Variants in RCOR1 observed in about 807,000 individuals in gnomAD.
The protein encoded by RCOR1 is REST corepressor.
RCOR1 carries 12 observed loss-of-function variants against 64.0 expected under a neutral mutation model. The observed-to-expected ratio is 0.19, with a 90% confidence interval of 0.12 to 0.30. RCOR1 has a LOEUF of 0.30. Ranked by LOEUF, RCOR1 falls within the 10% of genes least tolerant of loss-of-function variation. RCOR1 has a pLI of 1.00. For synonymous variants in RCOR1, 279 were observed against 227.2 expected (o/e 1.23, Z -2.05); for missense variants, 502 against 621.2 (o/e 0.81, Z 2.04).
intron 2 of RCOR1, among the ~76,000 whole-genome samples, chr14:102,665,435 G>GT (rs1468102760): frequency 9.2e-5 from 14 of 151,644 alleles, no homozygotes; most frequent in Admixed American, 9.2e-4. Context: ...TAGGTTAGGT[G>GT]TATTAAGTGC....
intron 2 of RCOR1, among the ~76,000 whole-genome samples, chr14:102,625,570 A>G (rs1366939768): frequency 6.7e-6 from 1 of 148,300 alleles, no homozygotes; most frequent in Non-Finnish European, 1.5e-5. Flanking sequence ...GTGTCTCACT[A>G]TGTTGGCCAG....
At chr14:102,636,331 G>A (rs185154091) in intron 2 of RCOR1, among the ~76,000 whole-genome samples, 1 of 151,998 alleles carries the variant, frequency 6.6e-6, no homozygotes, top group East Asian at 2.0e-4. Flanking sequence ...AGGCTGGAGT[G>A]CAGTGGCGTG....
At chr14:102,627,720 G>A (rs1024911246) in intron 2 of RCOR1, among the ~76,000 whole-genome samples, 6 of 151,096 alleles carry the variant, frequency 4.0e-5, no homozygotes, top group African/African-American at 1.2e-4. Context: ...TTCTGATTCT[G>A]TATATTCTTT....
rs76157532 is a variant in RCOR1, at chr14:102,643,554, G to C, written c.362-38341G>C. On this transcript the variant is annotated intron_variant, in intron 2 of 11. Coordinates refer to ENST00000262241, the MANE Select transcript of RCOR1 (RefSeq NM_015156.4). The stretch of plus-strand genomic sequence containing the variant: ...AGAACTGCAGCAAGGCCTAGGAGGT[G>C]GAGGCACCAGGTATCTTCAGAGGCC... Among the ~76,000 whole-genome samples, 1,260 of 152,302 alleles carry C rather than the reference G, an allele frequency of 8.3e-3. 21 individuals are homozygous for C. Among genetic ancestry groups the C allele is most frequent in the African/African-American group, 0.029 (1,195 of 41,550 alleles).
At chr14:102,718,953 T>C (rs1896122296) in intron 8 of RCOR1, among the ~76,000 whole-genome samples, 1 of 152,122 alleles carries the variant, frequency 6.6e-6, no homozygotes, top group African/African-American at 2.4e-5. Context: ...CACACCTGGC[T>C]AATTTTAAAA....
chr14:102,594,081 C>T (rs79271450), intron 2 of RCOR1, among the ~76,000 whole-genome samples: 13,676 of 152,132 alleles, frequency 0.09, 670 homozygotes, highest in Middle Eastern at 0.17. Context: ...TCCCTGGCTG[C>T]TATTCTGTGT....
chr14:102,714,444 C>T lies in RCOR1; in HGVS notation c.880C>T (p.Pro294Ser). Residue 294 changes from proline (P) to serine (S), a missense_variant, in exon 8 of 12, where the codon CCT (proline) becomes TCT (serine). Transcript: ENST00000262241. ...KKEVPPTETV[P>S]QVKKEKHSTQ... Reference sequence around the variant, plus strand: ...GCAGGTTCCCCCTACTGAGACAGTTCCTCAGGTCAAAAAAGAAAAACATAG... The same window carrying T: ...GCAGGTTCCCCCTACTGAGACAGTTTCTCAGGTCAAAAAAGAAAAACATAG... The T allele has an allele frequency of 2.5e-6, 4 of 1,609,906 alleles. No individual in the cohort carries two copies. In the South Asian group the frequency reaches 3.3e-5, roughly 13 times the overall value.
chr14:102,602,881 C>G (rs1192738213), intron 2 of RCOR1, among the ~76,000 whole-genome samples: 1 of 151,820 alleles, frequency 6.6e-6, no homozygotes, highest in Non-Finnish European at 1.5e-5. Flanking sequence ...GATTTTTGAA[C>G]TTTTTGTAGA....
rs143255728 is a variant in RCOR1 at position 102,623,212 on chromosome 14, C to A, written c.361+29887C>A. On this transcript the variant is annotated intron_variant, in intron 2 of 11. Coordinates refer to ENST00000262241, the MANE Select transcript of RCOR1 (RefSeq NM_015156.4). ...TCTAACTCAGAGATTTCTATTTGAC[C>A]CACCTGTTCTGTGTGGGTTTGTTTT... 1.2e-4 allele frequency among the ~76,000 whole-genome samples: 18 copies of A among 151,924 alleles called. No individual in the cohort carries two copies. The East Asian group carries it at 3.5e-3, about 29-fold the overall frequency.
chr14:102,645,698 A>G (rs1416327071), intron 2 of RCOR1, among the ~76,000 whole-genome samples: 3 of 152,086 alleles, frequency 2.0e-5, no homozygotes, highest in Non-Finnish European at 2.9e-5. Context: ...CTGAAAAATG[A>G]CCCCCAAAAG....
chr14:102,602,011 T>C (rs1045657869), intron 2 of RCOR1, among the ~76,000 whole-genome samples: 8 of 152,044 alleles, frequency 5.3e-5, no homozygotes, highest in African/African-American at 1.7e-4. Context: ...ATATAAAAAT[T>C]AGCTGGGTGT....
At chr14:102,647,422 T>C (rs1894498941) in intron 2 of RCOR1, among the ~76,000 whole-genome samples, 1 of 152,164 alleles carries the variant, frequency 6.6e-6, no homozygotes, top group African/African-American at 2.4e-5. Context: ...GTTCAACCAG[T>C]TCTCCTGCCT....
chr14:102,717,401 AC>A (rs1896087726), intron 8 of RCOR1, among the ~76,000 whole-genome samples: 1 of 152,216 alleles, frequency 6.6e-6, no homozygotes, highest in Non-Finnish European at 1.5e-5. Context: ...CCAGACCAGG[AC>A]CCAAGCACAC....
intron 2 of RCOR1, among the ~76,000 whole-genome samples, chr14:102,634,678 A>T (rs904980668): frequency 1.3e-5 from 2 of 150,774 alleles, no homozygotes; most frequent in African/African-American, 2.4e-5. Flanking sequence ...ACACACGTAC[A>T]TACATATATA....
chr14:102,648,177 C>T lies in RCOR1; in HGVS notation c.362-33718C>T, dbSNP rs190565392. ...CACTGCAACCCCCGCCTCCCGGGTT[C>T]AGACAATTCTCCTGCCTCAGCCTTT... On this transcript the variant is annotated intron_variant, in intron 2 of 11. Coordinates refer to ENST00000262241, the MANE Select transcript of RCOR1 (RefSeq NM_015156.4). Among the ~76,000 whole-genome samples, 814 of 152,270 alleles carry T rather than the reference C, an allele frequency of 5.3e-3. 6 individuals are homozygous for T. Among genetic ancestry groups the T allele is most frequent in the Middle Eastern group, 0.02 (6 of 294 alleles).
At chr14:102,704,989 G>A (rs1452675175) in intron 4 of RCOR1, among the ~76,000 whole-genome samples, 1 of 152,056 alleles carries the variant, frequency 6.6e-6, no homozygotes, top group Non-Finnish European at 1.5e-5. Context: ...AGCCAAACAT[G>A]GTAGTGTGTG....
intron 2 of RCOR1, among the ~76,000 whole-genome samples, chr14:102,678,518 C>T (rs991861558): frequency 6.6e-6 from 1 of 151,998 alleles, no homozygotes; most frequent in Non-Finnish European, 1.5e-5. Flanking sequence ...AGGCTGGTCT[C>T]GAACCCCTGA....
At chr14:102,652,648 A>G (rs943629053) in intron 2 of RCOR1, among the ~76,000 whole-genome samples, 2 of 152,058 alleles carry the variant, frequency 1.3e-5, no homozygotes, top group Non-Finnish European at 2.9e-5. Flanking sequence ...AATTCTCCAA[A>G]CTACATTTCT....
chr14:102,662,269 C>G (rs1417819811), intron 2 of RCOR1: 1 of 533,622 alleles, frequency 1.9e-6, no homozygotes, highest in African/African-American at 1.9e-5. Flanking sequence ...TTGGCAACAT[C>G]CAAAGCATCA....
Sources: allele counts gnomAD v4.1 joint callset (sites outside exome capture counted in the v4.1 genomes callset), GRCh38; gene constraint gnomAD v4.1.1; transcripts MANE v1.5; gene names NCBI Gene and HGNC (gene_info 2026-07-23, HGNC 2026-07-21).